The following NADSYN1 variants were observed in gnomAD, a reference collection of about 807,000 sequenced individuals.
NADSYN1 encodes NAD synthetase 1.
A neutral mutation model predicts 99.3 loss-of-function variants in NADSYN1; 80 were observed. The observed-to-expected ratio is 0.81, with a 90% CI of 0.67 to 0.97. The LOEUF (loss-of-function observed/expected upper bound fraction) is 0.97. Ranked by LOEUF, NADSYN1 falls within the 50% of genes least tolerant of loss-of-function variation. NADSYN1 has a pLI of 0.00. For missense variants in NADSYN1, 859 were observed against 948.5 expected (o/e 0.91, Z 1.24); for synonymous variants, 385 against 372.1 (o/e 1.03, Z -0.40).
chr11:71,473,293 G>T lies in NADSYN1; in HGVS notation c.475G>T (p.Gly159Ter), dbSNP rs140954879. ...CCGACTGCAGGAAACCGTACCCTTC[G>T]GAGATGCGGTGCTGGTGACATGGGA... ...DLTKQETVPF[G>*]DAVLVTWDTC... The change falls in exon 7 of 21, where the codon GGA becomes TGA. Residue 159 changes from glycine (G) to a stop codon, truncating the protein, a stop_gained. Coordinates refer to ENST00000319023, the MANE Select transcript of NADSYN1 (RefSeq NM_018161.5). LOFTEE classifies it high-confidence loss of function. The T allele has an allele frequency of 1.2e-6, 2 of 1,614,064 alleles. No homozygotes were observed. Among genetic ancestry groups the T allele is most frequent in the Non-Finnish European group, 1.7e-6 (2 of 1,180,028 alleles).
At chr11:71,465,183 G>A (rs186905483) in intron 5 of NADSYN1, among the ~76,000 whole-genome samples, 127 of 152,246 alleles carry the variant, frequency 8.3e-4, no homozygotes, top group African/African-American at 3.0e-3. Context: ...GGCTACATTG[G>A]GGATGAGGTA....
chr11:71,456,748 CA>C (rs201410255), intron 2 of NADSYN1, among the ~76,000 whole-genome samples: 2,250 of 152,346 alleles, frequency 0.015, 46 homozygotes, highest in African/African-American at 0.052. Flanking sequence ...CCAGCAGGGA[CA>C]GGGGCCCAGC....
In NADSYN1 at chr11:71,473,269, C is replaced by T. The variant is rs202135459; in HGVS notation, c.460-9C>T. 7.0e-5 allele frequency: 113 copies of T among 1,613,584 alleles called. No individual in the cohort carries two copies. The African/African-American group carries it at 8.8e-4, about 13-fold the overall frequency. On this transcript the variant is annotated splice_polypyrimidine_tract_variant and intron_variant, in intron 6 of 20. Coordinates refer to ENST00000319023, the MANE Select transcript of NADSYN1 (RefSeq NM_018161.5). ...GTGAATCTCATGCACTCTTCTCTTC[C>T]GACTGCAGGAAACCGTACCCTTCGG...
chr11:71,500,300 T>A (rs1446328440), intron 20 of NADSYN1, among the ~76,000 whole-genome samples: 1 of 152,214 alleles, frequency 6.6e-6, no homozygotes, highest in Non-Finnish European at 1.5e-5. Flanking sequence ...TTATACCTCA[T>A]GATCGGTGAC....
At position 71,498,417 on chromosome 11, in the gene NADSYN1, C is replaced by T. The variant is rs769227804; in HGVS notation, c.1959C>T (p.Leu653=). The T allele has an allele frequency of 1.9e-6, 3 of 1,614,154 alleles. No individual in the cohort carries two copies. Among genetic ancestry groups the T allele is most frequent in the Non-Finnish European group, 1.7e-6 (2 of 1,180,028 alleles). ...YSMNRHKMTT[L]TPAYHAENYS... is the part of the protein sequence containing the mutation. ...TGAACAGACACAAGATGACCACGCT[C>T]ACACCCGCGTACCACGCCGAGAACT... Residue 653 remains leucine (L), a synonymous_variant, in exon 20 of 21, where the codon CTC becomes CTT. Coordinates refer to ENST00000319023, the MANE Select transcript of NADSYN1 (RefSeq NM_018161.5).
chr11:71,466,425 T>C (rs534405706), intron 5 of NADSYN1, among the ~76,000 whole-genome samples: 34 of 152,292 alleles, frequency 2.2e-4, no homozygotes, highest in African/African-American at 6.7e-4. Flanking sequence ...AGTGGGATGA[T>C]GTGCTGGGCC....
chr11:71,475,170 T>C (rs1374951019), intron 9 of NADSYN1: 4 of 162,800 alleles, frequency 2.5e-5, no homozygotes, highest in Admixed American at 1.1e-4. Context: ...AGGGATCCCA[T>C]GTATGGTGAG....
intron 9 of NADSYN1, chr11:71,476,128 G>T (rs755530972): frequency 2.0e-5 from 9 of 456,254 alleles, no homozygotes; most frequent in South Asian, 1.4e-4. Flanking sequence ...GCCCCAAGCC[G>T]GCGTGGGTGG....
chr11:71,461,689 AG>A (rs912176451), intron 3 of NADSYN1, among the ~76,000 whole-genome samples: 7 of 152,108 alleles, frequency 4.6e-5, no homozygotes, highest in African/African-American at 1.7e-4. Flanking sequence ...AGCCTCCCAA[AG>A]TGCTGGGATT....
At chr11:71,464,500 T>A (rs901491553) in intron 5 of NADSYN1, 2 of 186,322 alleles carry the variant, frequency 1.1e-5, no homozygotes, top group African/African-American at 2.3e-5. Flanking sequence ...ATTTACTTGG[T>A]GTACACACTA....
chr11:71,491,996 G>T, intron 18 of NADSYN1, 93 bp downstream of exon 18: 4 of 1,186,112 alleles, frequency 3.4e-6, no homozygotes, highest in Non-Finnish European at 2.4e-6. Context: ...CCTGACCCCA[G>T]GACAGCTGCA....
intron 18 of NADSYN1, 63 bp from the exon 19 acceptor site, chr11:71,497,420 G>A: frequency 6.2e-7 from 1 of 1,608,456 alleles, no homozygotes; most frequent in Non-Finnish European, 8.5e-7. Context: ...TCCAAAAGAA[G>A]CTTTAGGCTC....
At chr11:71,461,899 A>G (rs1211503185) in intron 3 of NADSYN1, among the ~76,000 whole-genome samples, 1 of 152,230 alleles carries the variant, frequency 6.6e-6, no homozygotes, top group Non-Finnish European at 1.5e-5. Flanking sequence ...ACCTGAATCC[A>G]GAACACATCG....
intron 18 of NADSYN1, among the ~76,000 whole-genome samples, chr11:71,495,920 T>A (rs1485327984): frequency 6.6e-6 from 1 of 152,226 alleles, no homozygotes; most frequent in Admixed American, 6.5e-5. Context: ...CTGGGTTGTA[T>A]GAGCCTCGGG....
Position 71,481,374 on chromosome 11 carries a change from G to C in NADSYN1, c.1017G>C (p.Trp339Cys). ...EEEISLGPAC[W>C]LWDFLRRSQQ... is the part of the protein sequence containing the mutation. ...CCTGCAGCCTTGGACCTGCCTGCTG[G>C]CTCTGGGATTTTTTAAGACGAAGTC... Residue 339 changes from tryptophan to cysteine, a missense_variant, in exon 12 of 21, where the codon TGG becomes TGC. Trp to Cys is a radical substitution (Grantham distance 215, BLOSUM62 -2). Transcript: ENST00000319023. 1.2e-6 allele frequency: 2 copies of C among 1,614,098 alleles called. No homozygotes were observed. The highest frequency in any genetic ancestry group is 1.7e-6 in the Non-Finnish European group (2 of 1,180,010).
intron 17 of NADSYN1, among the ~76,000 whole-genome samples, chr11:71,491,546 C>T (rs1057181863): frequency 2.6e-5 from 4 of 152,184 alleles, no homozygotes; most frequent in Non-Finnish European, 4.4e-5. Flanking sequence ...ACAGCAGAGT[C>T]CCCTCGACCT....
At chr11:71,477,104 G>A in intron 9 of NADSYN1, 1 of 1,122,006 alleles carries the variant, frequency 8.9e-7, no homozygotes, top group Non-Finnish European at 1.1e-6. Context: ...CACCCCTTCT[G>A]CCTCCTGCTC....
chr11:71,466,001 G>A (rs1456029624), intron 5 of NADSYN1, among the ~76,000 whole-genome samples: 1 of 152,094 alleles, frequency 6.6e-6, no homozygotes, highest in Non-Finnish European at 1.5e-5. Flanking sequence ...CTAGAACAAT[G>A]TTCTAGATCA....
intron 16 of NADSYN1, among the ~76,000 whole-genome samples, chr11:71,488,811 AT>A (rs1167787699): frequency 6.6e-6 from 1 of 151,954 alleles, no homozygotes; most frequent in Non-Finnish European, 1.5e-5. Context: ...ACCACGCCTA[AT>A]TTTTTTTGTT....
Sources: gnomAD v4.1 joint callset for allele counts (sites outside exome capture counted in the v4.1 genomes callset) on GRCh38, gnomAD v4.1.1 for gene constraint, MANE v1.5 for transcripts, NCBI Gene and HGNC (gene_info 2026-07-23, HGNC 2026-07-21) for gene names.